ERGIC1: variants seen among roughly 807,000 people sequenced by gnomAD.
ERGIC1 encodes the protein endoplasmic reticulum-Golgi intermediate compartment protein 1.
Under a neutral mutation model 38.3 loss-of-function variants are expected in ERGIC1, and 19 were observed. That is an observed-to-expected ratio of 0.50 (90% confidence interval 0.35 to 0.73). The LOEUF is 0.73. ERGIC1 is among the 30% of genes least tolerant of loss of function. The probability of loss-of-function intolerance (pLI) is 0.01; values close to 1 mark genes in which losing one functional copy is unlikely to be tolerated. For missense variants in ERGIC1, 294 were observed against 389.2 expected (o/e 0.76, Z 2.06); for synonymous variants, 124 against 157.6 (o/e 0.79, Z 1.60).
intron 4 of ERGIC1, among the ~76,000 whole-genome samples, chr5:172,910,985 G>A (rs1245648623): frequency 6.6e-6 from 1 of 152,152 alleles, no homozygotes; most frequent in Non-Finnish European, 1.5e-5. Context: ...TGTTGTCTGA[G>A]GTTCTTGGGA....
chr5:172,900,571 G>A (rs781747982), intron 3 of ERGIC1, among the ~76,000 whole-genome samples: 1 of 152,032 alleles, frequency 6.6e-6, no homozygotes, highest in East Asian at 1.9e-4. Context: ...TTAGTTAGCC[G>A]TGGACACACA....
At chr5:172,913,963 G>A (rs562935333) in intron 4 of ERGIC1, among the ~76,000 whole-genome samples, 1 of 152,186 alleles carries the variant, frequency 6.6e-6, no homozygotes, top group Admixed American at 6.5e-5. Flanking sequence ...GGCCAGGAAC[G>A]GTGGCCTACA....
chr5:172,908,970 C>T (rs528212495), intron 3 of ERGIC1, among the ~76,000 whole-genome samples: 1 of 152,224 alleles, frequency 6.6e-6, no homozygotes, highest in South Asian at 2.1e-4. Flanking sequence ...CTTATAAGAC[C>T]CCTATTTCTC....
intron 9 of ERGIC1, among the ~76,000 whole-genome samples, chr5:172,949,890 ACCC>A (rs1200153549): frequency 6.6e-5 from 10 of 151,840 alleles, no homozygotes; most frequent in African/African-American, 2.4e-4. Context: ...ACGGTGAAAC[ACCC>A]CCACCCTGTC....
chr5:172,907,028 T>TC lies in ERGIC1; in HGVS notation c.156-2633dup, dbSNP rs567250641. Among the ~76,000 whole-genome samples, 331 of 152,130 alleles carry TC rather than the reference T, an allele frequency of 2.2e-3. 2 individuals carry two copies. Among genetic ancestry groups the TC allele is most frequent in the Non-Finnish European group, 3.5e-3 (240 of 67,964 alleles). On this transcript the variant is annotated intron_variant, in intron 3 of 9. Transcript: ENST00000393784. ...AAGAAACACAGCAGTGTGTCTGCAT[T>TC]CCCCCCTCACCTCACCCTCCTCCGC... is the stretch of plus-strand genomic sequence containing the variant.
chr5:172,877,440 G>GTGTGTGTA (rs1491234878), intron 1 of ERGIC1, among the ~76,000 whole-genome samples: 13 of 67,386 alleles, frequency 1.9e-4, no homozygotes, highest in African/African-American at 7.4e-4. Context: ...GTGTGTGTGT[G>GTGTGTGTA]TATATATATA....
intron 6 of ERGIC1, 107 bp downstream of exon 6, chr5:172,924,216 G>A: frequency 9.2e-7 from 1 of 1,090,010 alleles, no homozygotes; most frequent in African/African-American, 1.6e-5. Flanking sequence ...TACCGTTAAG[G>A]TGACATCTAA....
At chr5:172,930,750 A>G (rs979798078) in intron 7 of ERGIC1, among the ~76,000 whole-genome samples, 3 of 152,238 alleles carry the variant, frequency 2.0e-5, no homozygotes, top group African/African-American at 4.8e-5. Flanking sequence ...GGACACCACT[A>G]TCAAGCGTGG....
Position 172,834,628 on chromosome 5 carries a change from TCGTGCAGCGGGAGACAAATCCA to T in ERGIC1, c.20+197_20+218del, listed in dbSNP as rs1760989877. ...GCCAGCCAGAGCCGCGGAGGCCCCC[TCGTGCAGCGGGAGACAAATCCA>T]CCCACCTTCCCTCCGCCGAGCCCCC... On this transcript the variant is annotated intron_variant, in intron 1 of 9. Transcript: ENST00000393784. This position sits in a 1 kb window ranked among gnomAD's most constrained non-coding sequence, Gnocchi z 4.1. Among the ~76,000 whole-genome samples the T allele has an allele frequency of 1.1e-5, 1 of 88,728 alleles. No homozygotes were observed. Among genetic ancestry groups the T allele is most frequent in the South Asian group, 3.8e-4 (1 of 2,648 alleles). 58.2% of individuals were successfully genotyped at this position (88,728 alleles called of 152,430 possible).
At chr5:172,854,586 A>G (rs1761496792) in intron 1 of ERGIC1, among the ~76,000 whole-genome samples, 1 of 152,218 alleles carries the variant, frequency 6.6e-6, no homozygotes, top group Non-Finnish European at 1.5e-5. Flanking sequence ...GCACGTCCGC[A>G]TGGTCCCGGT....
At chr5:172,919,900 G>A (rs1161241960) in intron 5 of ERGIC1, among the ~76,000 whole-genome samples, 5 of 152,162 alleles carry the variant, frequency 3.3e-5, no homozygotes, top group Admixed American at 6.5e-5. Flanking sequence ...CCCGCGTTAT[G>A]GCTGCCACGT....
At position 172,909,649 on chromosome 5, in the gene ERGIC1, T is replaced by C. The variant is rs1763157367; in HGVS notation, c.156-18T>C. ...GCCGCCATCTCAACAAAGGTTCCTA[T>C]ACTTGTCTTTCCCCTAGTGTGAACG... On this transcript the variant is annotated intron_variant, in intron 3 of 9. Transcript: ENST00000393784. 6.2e-7 allele frequency: 1 copy of C among 1,612,932 alleles called. No homozygotes were observed. Among genetic ancestry groups the C allele is most frequent in the Non-Finnish European group, 8.5e-7 (1 of 1,178,874 alleles).
intron 6 of ERGIC1, among the ~76,000 whole-genome samples, chr5:172,924,312 C>A (rs991515267): frequency 2.6e-5 from 4 of 152,312 alleles, no homozygotes; most frequent in Middle Eastern, 3.4e-3. Context: ...AACATCACCC[C>A]TCTCCTAGAG....
chr5:172,879,099 C>A (rs1581535274), intron 1 of ERGIC1, among the ~76,000 whole-genome samples: 1 of 152,188 alleles, frequency 6.6e-6, no homozygotes, highest in Non-Finnish European at 1.5e-5. Flanking sequence ...CGGTAGCCGC[C>A]CACATATGGC....
intron 1 of ERGIC1, among the ~76,000 whole-genome samples, chr5:172,859,195 A>T (rs1175201384): frequency 6.6e-6 from 1 of 151,614 alleles, no homozygotes; most frequent in Non-Finnish European, 1.5e-5. Context: ...TTCCTCTATG[A>T]TTTTTCCTGT....
At chr5:172,911,819 C>T (rs1197767107) in intron 4 of ERGIC1, among the ~76,000 whole-genome samples, 2 of 152,194 alleles carry the variant, frequency 1.3e-5, no homozygotes, top group Non-Finnish European at 2.9e-5. Flanking sequence ...AATCTTAAGA[C>T]ATACATTCAA....
At chr5:172,904,508 A>G (rs1762969370) in intron 3 of ERGIC1, among the ~76,000 whole-genome samples, 1 of 152,258 alleles carries the variant, frequency 6.6e-6, no homozygotes, top group African/African-American at 2.4e-5. Context: ...CCGGTCTGCC[A>G]CTGCCCCCAT....
At position 172,926,057 on chromosome 5, in the gene ERGIC1, C is replaced by G. The variant is rs2113456306; in HGVS notation, c.481-452C>G. On this transcript the variant is annotated intron_variant, in intron 6 of 9. Transcript: ENST00000393784. This position sits in a 1 kb window ranked among gnomAD's most constrained non-coding sequence, Gnocchi z 5.2. ...TGGGCCTTTCAGAGGACCCTGGGAT[C>G]TCAGGAGAAACTTTCTGGGACCCAG... is the stretch of plus-strand genomic sequence containing the variant. Among the ~76,000 whole-genome samples, 1 of 152,228 alleles carries G rather than the reference C, an allele frequency of 6.6e-6. No homozygotes were observed. The highest frequency in any genetic ancestry group is 2.1e-4 in the South Asian group (1 of 4,824).
intron 1 of ERGIC1, among the ~76,000 whole-genome samples, chr5:172,839,728 G>T (rs1295110834): frequency 6.6e-6 from 1 of 152,200 alleles, no homozygotes; most frequent in Non-Finnish European, 1.5e-5. Flanking sequence ...GCCAGGCACT[G>T]TTGTAAGGAT....
Sources: allele counts gnomAD v4.1 joint callset (sites outside exome capture counted in the v4.1 genomes callset), GRCh38; gene constraint gnomAD v4.1.1; non-coding constraint Gnocchi (gnomAD v3.1); transcripts MANE v1.5; gene names NCBI Gene and HGNC (gene_info 2026-07-23, HGNC 2026-07-21).